AGBL4: variants seen among roughly 807,000 people sequenced by gnomAD.
AGBL4 encodes cytosolic carboxypeptidase 6.
AGBL4 carries 58 observed loss-of-function variants against 66.4 expected under a neutral mutation model. That is an observed-to-expected ratio of 0.87 (90% CI 0.71 to 1.09). The LOEUF is 1.09. Among genes scored for constraint, AGBL4 ranks in the 50% least tolerant of loss-of-function variants. AGBL4 has a pLI of 0.00. For missense variants in AGBL4, 579 were observed against 631.0 expected (o/e 0.92, Z 0.88); for synonymous variants, 234 against 222.9 (o/e 1.05, Z -0.44).
intron 3 of AGBL4, among the ~76,000 whole-genome samples, chr1:49,375,285 A>G (rs1291255315): frequency 6.6e-6 from 1 of 152,086 alleles, no homozygotes; most frequent in African/African-American, 2.4e-5. Context: ...TACATGGCTC[A>G]TTGTGTCTTG....
chr1:49,696,720 G>A (rs1393560301), intron 3 of AGBL4, among the ~76,000 whole-genome samples: 1 of 151,998 alleles, frequency 6.6e-6, no homozygotes. Context: ...ACGCGTTTAA[G>A]ATAAGCTATA....
intron 3 of AGBL4, among the ~76,000 whole-genome samples, chr1:49,280,495 A>G (rs1644253498): frequency 6.6e-6 from 1 of 152,168 alleles, no homozygotes. Context: ...AATGGGTCCC[A>G]CTAGAAATAA....
At chr1:49,985,215 T>C (rs988770219) in intron 1 of AGBL4, among the ~76,000 whole-genome samples, 2 of 152,128 alleles carry the variant, frequency 1.3e-5, no homozygotes, top group African/African-American at 4.8e-5. Flanking sequence ...TCTTGTAAAA[T>C]ACCTACACAA....
At chr1:48,609,057 T>C (rs1055501569) in intron 9 of AGBL4, among the ~76,000 whole-genome samples, 15 of 152,060 alleles carry the variant, frequency 9.9e-5, no homozygotes, top group Non-Finnish European at 1.9e-4. Flanking sequence ...ATCAGATAAA[T>C]AGGCCAGATA....
At chr1:48,787,869 T>C (rs1645446310) in intron 6 of AGBL4, among the ~76,000 whole-genome samples, 1 of 152,190 alleles carries the variant, frequency 6.6e-6, no homozygotes, top group South Asian at 2.1e-4. Context: ...GTAGGTCTAG[T>C]AGGTAACTGG....
At chr1:48,703,910 G>T (rs1303669320) in intron 6 of AGBL4, among the ~76,000 whole-genome samples, 9 of 152,216 alleles carry the variant, frequency 5.9e-5, no homozygotes, top group African/African-American at 2.2e-4. Context: ...CATTGCTAAA[G>T]GATGGGGATA....
At position 48,733,017 on chromosome 1, in the gene AGBL4, G is replaced by C. The variant is rs535912324; in HGVS notation, c.635-69776C>G. On this transcript the variant is annotated intron_variant, in intron 6 of 13. Coordinates refer to ENST00000371839, the MANE Select transcript of AGBL4 (RefSeq NM_032785.4). ...GATTTAGAGACGAGGAAGTCACTGG[G>C]GACCTTGGTGAAAACACATTAAGCA... 9.7e-4 allele frequency among the ~76,000 whole-genome samples: 147 copies of C among 152,278 alleles called. 3 individuals carry two copies. The South Asian group carries it at 0.029, about 30-fold the overall frequency.
At chr1:48,750,278 G>GTTCT (rs1198881616) in intron 6 of AGBL4, among the ~76,000 whole-genome samples, 1 of 152,182 alleles carries the variant, frequency 6.6e-6, no homozygotes, top group Non-Finnish European at 1.5e-5. Context: ...GGCTGGGGTA[G>GTTCT]TTCTGCTTGC....
intron 1 of AGBL4, among the ~76,000 whole-genome samples, chr1:49,870,416 AT>A (rs1344065123): frequency 6.6e-6 from 1 of 151,952 alleles, no homozygotes; most frequent in African/African-American, 2.4e-5. Flanking sequence ...TTAATTGTAC[AT>A]TTTTAAATAA....
At chr1:48,734,148 C>T (rs905951655) in intron 6 of AGBL4, among the ~76,000 whole-genome samples, 1 of 152,180 alleles carries the variant, frequency 6.6e-6, no homozygotes, top group African/African-American at 2.4e-5. Flanking sequence ...CGAAAGGTTA[C>T]CTCTGATTAT....
intron 4 of AGBL4, among the ~76,000 whole-genome samples, chr1:49,098,804 C>T (rs1645152209): frequency 6.6e-6 from 1 of 152,240 alleles, no homozygotes; most frequent in South Asian, 2.1e-4. Flanking sequence ...GCGCACACTG[C>T]CTTTCTCCCA....
chr1:48,885,980 C>T (rs1451621258), intron 5 of AGBL4, among the ~76,000 whole-genome samples: 1 of 152,328 alleles, frequency 6.6e-6, no homozygotes, highest in African/African-American at 2.4e-5. Context: ...GTTCCTCATG[C>T]AGAAGCCTCT....
chr1:49,845,155 C>A (rs1646104868), intron 2 of AGBL4: 3 of 1,397,080 alleles, frequency 2.1e-6, no homozygotes, highest in African/African-American at 1.4e-5. Flanking sequence ...AGGACAGAGA[C>A]CTTATGAATG....
intron 5 of AGBL4, among the ~76,000 whole-genome samples, chr1:48,924,199 T>G (rs1654330538): frequency 6.6e-6 from 1 of 151,976 alleles, no homozygotes; most frequent in Admixed American, 6.6e-5. Flanking sequence ...TGCTAGCTAT[T>G]CATACCCCAA....
intron 4 of AGBL4, among the ~76,000 whole-genome samples, chr1:49,073,299 G>T (rs1644647240): frequency 6.6e-6 from 1 of 152,154 alleles, no homozygotes; most frequent in Non-Finnish European, 1.5e-5. Flanking sequence ...CTTGCAAGGA[G>T]TTGTGATCCT....
intron 2 of AGBL4, among the ~76,000 whole-genome samples, chr1:49,820,489 T>C (rs938378559): frequency 9.2e-5 from 14 of 152,118 alleles, no homozygotes; most frequent in African/African-American, 2.7e-4. Flanking sequence ...AACTGTGAGA[T>C]GATGTGAAAT....
chr1:49,537,601 A>G (rs571777095), intron 3 of AGBL4, among the ~76,000 whole-genome samples: 1 of 152,340 alleles, frequency 6.6e-6, no homozygotes, highest in South Asian at 2.1e-4. Flanking sequence ...CCACAGTGAG[A>G]TAACATCTTA....
chr1:49,756,527 T>C (rs184567169), intron 2 of AGBL4, among the ~76,000 whole-genome samples: 9 of 152,324 alleles, frequency 5.9e-5, no homozygotes, highest in Admixed American at 2.6e-4. Context: ...CTTACTACTA[T>C]AGGTAGCAGT....
At chr1:48,631,501 C>A (rs1321522905) in intron 9 of AGBL4, among the ~76,000 whole-genome samples, 1 of 152,194 alleles carries the variant, frequency 6.6e-6, no homozygotes, top group Non-Finnish European at 1.5e-5. Context: ...GGTAATTCTC[C>A]TGCCTCAGCC....
Sources: gnomAD v4.1 joint callset for allele counts (sites outside exome capture counted in the v4.1 genomes callset) on GRCh38, gnomAD v4.1.1 for gene constraint, MANE v1.5 for transcripts, NCBI Gene and HGNC (gene_info 2026-07-23, HGNC 2026-07-21) for gene names.